The following MARCHF1 variants were observed in gnomAD, a reference collection of about 807,000 sequenced individuals.
MARCHF1 encodes the protein membrane associated ring-CH-type finger 1, also known as E3 ubiquitin-protein ligase MARCHF1.
Under a neutral mutation model 54.2 loss-of-function variants are expected in MARCHF1, and 40 were observed. That is an observed-to-expected ratio of 0.74 (90% CI 0.57 to 0.96). The LOEUF (loss-of-function observed/expected upper bound fraction) is 0.96. MARCHF1 is among the 40% of genes least tolerant of loss of function. The pLI is 0.00. For missense variants in MARCHF1, 586 were observed against 656.5 expected (o/e 0.89, Z 1.17); for synonymous variants, 236 against 236.3 (o/e 1.00, Z 0.01).
intron 2 of MARCHF1, among the ~76,000 whole-genome samples, chr4:164,063,819 T>C (rs973061998): frequency 2.0e-5 from 3 of 152,190 alleles, no homozygotes; most frequent in Non-Finnish European, 2.9e-5. Flanking sequence ...TAACTGTCTT[T>C]TTTTTTTAAG....
intron 5 of MARCHF1, among the ~76,000 whole-genome samples, chr4:163,638,364 A>G (rs1048867300): frequency 6.6e-6 from 1 of 151,880 alleles, no homozygotes; most frequent in South Asian, 2.1e-4. Flanking sequence ...CGTCTTGGTG[A>G]TGAGTGAGTT....
chr4:163,649,558 G>A (rs1003335461), intron 5 of MARCHF1, among the ~76,000 whole-genome samples: 9 of 151,978 alleles, frequency 5.9e-5, no homozygotes, highest in African/African-American at 1.9e-4. Flanking sequence ...TCCAGTAGCT[G>A]AGGCTGTAGG....
chr4:163,906,320 TG>T (rs1225726949), intron 3 of MARCHF1, among the ~76,000 whole-genome samples: 1 of 151,960 alleles, frequency 6.6e-6, no homozygotes, highest in Non-Finnish European at 1.5e-5. Flanking sequence ...AGGAAGAATA[TG>T]GGAAATGTCC....
At chr4:163,999,227 T>C (rs1753139361) in intron 2 of MARCHF1, among the ~76,000 whole-genome samples, 1 of 151,628 alleles carries the variant, frequency 6.6e-6, no homozygotes, top group Admixed American at 6.6e-5. Flanking sequence ...ATAGATATTA[T>C]TTTGGTTAAA....
In MARCHF1 at chr4:164,106,638, G is replaced by T. The variant is rs1755707625; in HGVS notation, c.-248+4950C>A. Among the ~76,000 whole-genome samples, 3 of 146,404 alleles carry T rather than the reference G, an allele frequency of 2.0e-5. No homozygotes were observed. The South Asian group carries it at 6.8e-4, about 33-fold the overall frequency. On this transcript the variant is annotated intron_variant, in intron 2 of 9. Coordinates refer to ENST00000514618, the MANE Select transcript of MARCHF1 (RefSeq NM_001394959.1). ...TTGTGGGGTAGGGGGAGGGGGGAGG[G>T]ATAACATCGGGAGATATACCTAATG...
At chr4:164,238,599 T>C (rs190892908) in intron 1 of MARCHF1, among the ~76,000 whole-genome samples, 70 of 152,140 alleles carry the variant, frequency 4.6e-4, no homozygotes, top group Admixed American at 2.1e-3. Flanking sequence ...AAATCCATTA[T>C]TCCATTTTAT....
chr4:163,965,644 A>T (rs1025932613), intron 3 of MARCHF1, among the ~76,000 whole-genome samples: 1 of 152,074 alleles, frequency 6.6e-6, no homozygotes, highest in Non-Finnish European at 1.5e-5. Flanking sequence ...AAAATAGTTT[A>T]TATGTTCACT....
At chr4:163,546,126 A>G (rs1738898102) in intron 8 of MARCHF1, among the ~76,000 whole-genome samples, 1 of 151,960 alleles carries the variant, frequency 6.6e-6, no homozygotes, top group Non-Finnish European at 1.5e-5. Context: ...GGTATGTACC[A>G]CCATGCCTGG....
intron 4 of MARCHF1, among the ~76,000 whole-genome samples, chr4:163,816,689 G>A (rs1748543073): frequency 6.6e-6 from 1 of 151,966 alleles, no homozygotes; most frequent in Admixed American, 6.6e-5. Flanking sequence ...TTACAGAGGG[G>A]GGCACTGAAT....
chr4:163,946,039 G>A (rs1208058922), intron 3 of MARCHF1, among the ~76,000 whole-genome samples: 1 of 151,630 alleles, frequency 6.6e-6, no homozygotes, highest in East Asian at 1.9e-4. Flanking sequence ...GCACCAAATT[G>A]ATGTTATATC....
At chr4:164,311,044 G>A (rs1734837024) in intron 1 of MARCHF1, among the ~76,000 whole-genome samples, 1 of 152,158 alleles carries the variant, frequency 6.6e-6, no homozygotes, top group East Asian at 1.9e-4. Flanking sequence ...AATAAAAAGT[G>A]GAACCATTCT....
intron 4 of MARCHF1, among the ~76,000 whole-genome samples, chr4:163,782,090 T>C (rs903483456): frequency 6.7e-6 from 1 of 148,894 alleles, no homozygotes; most frequent in Non-Finnish European, 1.5e-5. Context: ...AACTACAGTT[T>C]CTTGAGGGAT....
intron 5 of MARCHF1, among the ~76,000 whole-genome samples, chr4:163,655,122 T>C (rs2111082025): frequency 6.6e-6 from 1 of 151,868 alleles, no homozygotes; most frequent in South Asian, 2.1e-4. Context: ...CATTCACTGA[T>C]TTCTTGCTGA....
chr4:163,717,776 T>C (rs1041373270), intron 4 of MARCHF1, among the ~76,000 whole-genome samples: 3 of 152,232 alleles, frequency 2.0e-5, no homozygotes, highest in African/African-American at 4.8e-5. Context: ...CATGTGTCTG[T>C]TGGCTGCATA....
chr4:163,986,553 C>T (rs748772994), intron 3 of MARCHF1, among the ~76,000 whole-genome samples: 10 of 152,052 alleles, frequency 6.6e-5, no homozygotes, highest in Admixed American at 1.3e-4. Flanking sequence ...GCGTGAGCCA[C>T]GGCACCCGGC....
intron 4 of MARCHF1, among the ~76,000 whole-genome samples, chr4:163,823,422 A>G (rs1329933822): frequency 1.3e-5 from 2 of 151,860 alleles, no homozygotes; most frequent in Admixed American, 1.3e-4. Flanking sequence ...CTGTGATCAA[A>G]TCTAATCAAC....
intron 4 of MARCHF1, among the ~76,000 whole-genome samples, chr4:163,772,186 T>G (rs1042925137): frequency 2.6e-5 from 4 of 152,020 alleles, no homozygotes; most frequent in Non-Finnish European, 5.9e-5. Flanking sequence ...TCAATTCCTA[T>G]AAGAAGTGGT....
intron 2 of MARCHF1, among the ~76,000 whole-genome samples, chr4:164,051,756 A>G (rs1754371213): frequency 6.6e-6 from 1 of 152,202 alleles, no homozygotes; most frequent in African/African-American, 2.4e-5. Flanking sequence ...TTATTCTGTT[A>G]TGCATGAAGG....
chr4:163,889,933 T>C (rs1043589160), intron 3 of MARCHF1, among the ~76,000 whole-genome samples: 1 of 146,398 alleles, frequency 6.8e-6, no homozygotes, highest in Non-Finnish European at 1.5e-5. Context: ...TTTCTTTTTT[T>C]TTTTTTTTTG....
Sources: gnomAD v4.1 joint callset for allele counts (sites outside exome capture counted in the v4.1 genomes callset) on GRCh38, gnomAD v4.1.1 for gene constraint, MANE v1.5 for transcripts, NCBI Gene and HGNC (gene_info 2026-07-23, HGNC 2026-07-21) for gene names.